Variants in EIF2AK4 observed in about 807,000 individuals in gnomAD.
EIF2AK4 encodes the protein eukaryotic translation initiation factor 2 alpha kinase 4, also known as eIF-2-alpha kinase GCN2.
A neutral mutation model predicts 211.1 loss-of-function variants in EIF2AK4; 139 were observed. The ratio of observed to expected loss-of-function variants is 0.66; its 90% CI spans 0.57 to 0.76. EIF2AK4 has a LOEUF of 0.76. Ranked by LOEUF, EIF2AK4 falls within the 30% of genes least tolerant of loss-of-function variation. The pLI is 0.00. For synonymous variants in EIF2AK4, 710 were observed against 751.3 expected, an observed-to-expected ratio of 0.94 and a Z score of 0.90; for missense variants, 1,664 against 2,043.8, an observed-to-expected ratio of 0.81 and a Z score of 3.58.
chr15:40,024,935 A>G (rs1341716409), intron 32 of EIF2AK4, among the ~76,000 whole-genome samples: 4 of 152,062 alleles, frequency 2.6e-5, no homozygotes, highest in African/African-American at 9.7e-5. Context: ...ACTAAATGCC[A>G]AATGCCATGA....
chr15:40,017,517 A>ATATG, intron 29 of EIF2AK4, among the ~76,000 whole-genome samples: 1 of 13,088 alleles, frequency 7.6e-5, no homozygotes, highest in African/African-American at 3.3e-4. Flanking sequence ...ATATATATAT[A>ATATG]TATATATATA....
rs1201177509 is a variant in EIF2AK4 at position 40,001,037 on chromosome 15, C to T, written c.2972C>T (p.Thr991Ile). The T allele has an allele frequency of 6.2e-7, 1 of 1,614,096 alleles. No homozygotes were observed. The highest frequency in any genetic ancestry group is 8.5e-7 in the Non-Finnish European group (1 of 1,180,048). The change falls in exon 21 of 39, where the codon ACA becomes ATA. Residue 991 changes from threonine to isoleucine, a missense_variant. Transcript: ENST00000263791. ...AACCACGATCCAGCAAAACGGCCCA[C>T]AGCCACAGAACTGCTCAAGAGTGAG... ...LLNHDPAKRP[T>I]ATELLKSELL...
At chr15:40,001,589 G>A (rs1000488328) in intron 21 of EIF2AK4, among the ~76,000 whole-genome samples, 6 of 145,580 alleles carry the variant, frequency 4.1e-5, no homozygotes, top group South Asian at 2.2e-4. Context: ...AGCCGAGATC[G>A]TGCCACTGCA....
At position 39,992,813 on chromosome 15, in the gene EIF2AK4, G is replaced by C; in HGVS notation, c.2731G>C (p.Glu911Gln). The C allele has an allele frequency of 6.2e-7, 1 of 1,614,158 alleles. No individual in the cohort carries two copies. The highest frequency in any genetic ancestry group is 8.5e-7 in the Non-Finnish European group (1 of 1,180,036). ...MVGTALYVSP[E>Q]VQGSTKSAYN... is the part of the protein sequence containing the mutation. ...TGGCACTGCTCTCTATGTAAGCCCA[G>C]AGGTCCAAGGAAGCACCAAATCTGC... Residue 911 changes from glutamate to glutamine, a missense_variant, in exon 18 of 39, where the codon GAG becomes CAG. Transcript: ENST00000263791.
At position 40,019,128 on chromosome 15, in the gene EIF2AK4, A is replaced by G. The variant is rs990392341; in HGVS notation, c.4101A>G (p.Pro1367=). 1.1e-5 allele frequency: 17 copies of G among 1,608,160 alleles called. No individual in the cohort carries two copies. Among genetic ancestry groups the G allele is most frequent in the Non-Finnish European group, 1.4e-5 (16 of 1,177,244 alleles). The change falls in exon 30 of 39, where the codon CCA becomes CCG. Residue 1367 remains proline, a synonymous_variant. Coordinates refer to ENST00000263791, the MANE Select transcript of EIF2AK4 (RefSeq NM_001013703.4). ...PQFRGPQALG[P]VPTAIGVSIA... ...TTAGAGGGCCACAAGCTCTGGGGCC[A>G]GTTCCCACTGCCATTGGGGTCAGCA...
Position 39,976,736 on chromosome 15 carries a change from C to T in EIF2AK4, c.2141C>T (p.Ser714Leu). ...ILSSSVEWST[S>L]GERSASARFP... Reference sequence around the variant, plus strand: ...AGCAGCTCGGTGGAGTGGAGCACTTCGGGCGAGCGCTCGGCCAGTGCCCGT... The same window carrying T: ...AGCAGCTCGGTGGAGTGGAGCACTTTGGGCGAGCGCTCGGCCAGTGCCCGT... The change falls in exon 12 of 39, where the codon TCG becomes TTG. Residue 714 changes from serine to leucine, a missense_variant. This residue lies in a region of EIF2AK4 where 206 missense variants were observed against 201.9 expected (regional missense o/e 1.02). Transcript: ENST00000263791. 2 of 1,601,330 alleles carry T rather than the reference C, an allele frequency of 1.2e-6. No homozygotes were observed. Among genetic ancestry groups the T allele is most frequent in the Non-Finnish European group, 8.5e-7 (1 of 1,176,780 alleles).
At position 40,016,569 on chromosome 15, in the gene EIF2AK4, C is replaced by T; in HGVS notation, c.3827C>T (p.Ser1276Leu). Residue 1276 changes from serine to leucine, a missense_variant, in exon 28 of 39, where the codon TCA (serine) becomes TTA (leucine). By Grantham distance (145) the Ser-to-Leu change is moderately radical (BLOSUM62 -2). Around this residue, in one of 7 missense-constraint regions of EIF2AK4, gnomAD observed 622 missense variants for 796.8 expected, o/e 0.78. Transcript: ENST00000263791. ...DLQDLMPTINSLIKQKTGIAQ... is the reference protein window; with the variant it reads ...DLQDLMPTINLLIKQKTGIAQ... ...CAAGATCTTATGCCAACAATAAATTCATTAATAAAACAGAAAACAGGTATT... is the reference window on the plus strand; with the variant it reads ...CAAGATCTTATGCCAACAATAAATTTATTAATAAAACAGAAAACAGGTATT... 6.2e-7 allele frequency: 1 copy of T among 1,614,078 alleles called. No homozygotes were observed. Among genetic ancestry groups the T allele is most frequent in the Admixed American group, 1.7e-5 (1 of 60,008 alleles).
chr15:39,992,224 C>T lies in EIF2AK4; in HGVS notation c.2681C>T (p.Pro894Leu), dbSNP rs769846052. Residue 894 changes from proline to leucine, a missense_variant, in exon 17 of 39, where the codon CCT becomes CTT. Around this residue, in one of 7 missense-constraint regions of EIF2AK4, gnomAD observed 622 missense variants for 796.8 expected, o/e 0.78. Coordinates refer to ENST00000263791, the MANE Select transcript of EIF2AK4 (RefSeq NM_001013703.4). ...ACAGGAGACTTGATTAAGTCAGACC[C>T]TTCAGGTAAACCCAGAAGACTATAT... ...DQTGDLIKSD[P>L]SGHLTGMVGT... 9 of 1,610,784 alleles carry T rather than the reference C, an allele frequency of 5.6e-6. No individual in the cohort carries two copies. The South Asian group carries it at 1.0e-4, about 18-fold the overall frequency.
chr15:40,026,004 A>G lies in EIF2AK4; in HGVS notation c.4417A>G (p.Thr1473Ala), dbSNP rs1426430485. The part of the protein sequence containing the change: ...KVKSFEKERQ[T>A]EKRVLETELV... ...TAAGTCTTTCGAGAAGGAAAGGCAG[A>G]CAGAGAAGCGTGTGCTGGAGACTGA... The change falls in exon 33 of 39, where the codon ACA becomes GCA. Residue 1473 changes from threonine (T) to alanine (A), a missense_variant. Physicochemically the swap from Thr to Ala is moderately conservative, Grantham distance 58 (BLOSUM62 0). Transcript: ENST00000263791. The G allele has an allele frequency of 6.2e-7, 1 of 1,614,192 alleles. No individual in the cohort carries two copies. The highest frequency in any genetic ancestry group is 8.5e-7 in the Non-Finnish European group (1 of 1,180,014).
rs968317073 is a variant in EIF2AK4, at chr15:39,967,720, G to A, written c.1394G>A (p.Arg465His). 1.2e-5 allele frequency: 19 copies of A among 1,614,124 alleles called. No individual in the cohort carries two copies. The highest frequency in any genetic ancestry group is 8.9e-5 in the East Asian group (4 of 44,878). The change falls in exon 9 of 39, where the codon CGT becomes CAT. Residue 465 changes from arginine to histidine, a missense_variant. By Grantham distance (29) the Arg-to-His change is conservative. Around this residue, in one of 7 missense-constraint regions of EIF2AK4, gnomAD observed 641 missense variants for 729.6 expected, o/e 0.88. Transcript: ENST00000263791. ...KEDVFEQTRV[R>H]FSDNALPYKT... ...GATGTGTTTGAGCAAACCCGAGTTCGTTTTAGTGACAATGCTCTGCCTTAT... is the reference window on the plus strand; with the variant it reads ...GATGTGTTTGAGCAAACCCGAGTTCATTTTAGTGACAATGCTCTGCCTTAT...
At chr15:39,946,065 A>T (rs2034223733) in intron 3 of EIF2AK4, among the ~76,000 whole-genome samples, 2 of 152,248 alleles carry the variant, frequency 1.3e-5, no homozygotes, top group African/African-American at 4.8e-5. Context: ...ATGCCTCTTA[A>T]CACAACATCC....
intron 2 of EIF2AK4, among the ~76,000 whole-genome samples, chr15:39,939,838 TA>T (rs2034120273): frequency 6.6e-6 from 1 of 152,268 alleles, no homozygotes; most frequent in African/African-American, 2.4e-5. Context: ...CAGATACTTA[TA>T]TTTGCCTAGT....
chr15:39,935,034 A>G (rs2034043575), intron 1 of EIF2AK4, among the ~76,000 whole-genome samples: 2 of 152,160 alleles, frequency 1.3e-5, no homozygotes, highest in African/African-American at 2.4e-5. Context: ...AGGATAGCTG[A>G]TGACCTAAAA....
chr15:39,949,490 A>G (rs191697450), intron 4 of EIF2AK4, among the ~76,000 whole-genome samples: 2 of 152,308 alleles, frequency 1.3e-5, no homozygotes, highest in Admixed American at 1.3e-4. Flanking sequence ...TTAAAGAAAT[A>G]GAAGAGAAAA....
chr15:40,023,489 T>G (rs1301910565), intron 32 of EIF2AK4, among the ~76,000 whole-genome samples: 1 of 152,234 alleles, frequency 6.6e-6, no homozygotes, highest in African/African-American at 2.4e-5. Context: ...TATATAGAGC[T>G]ATTCTGGTTA....
intron 13 of EIF2AK4, among the ~76,000 whole-genome samples, chr15:39,983,151 C>T (rs1446908016): frequency 6.6e-6 from 1 of 152,212 alleles, no homozygotes; most frequent in East Asian, 1.9e-4. Context: ...AACTAATTTA[C>T]ACTCCCACCA....
chr15:40,027,738 A>C (rs547632195), intron 33 of EIF2AK4, among the ~76,000 whole-genome samples: 80 of 152,260 alleles, frequency 5.3e-4, no homozygotes, highest in African/African-American at 1.5e-3. Context: ...AAGATACAAA[A>C]AAATTAGCGG....
intron 33 of EIF2AK4, 61 bp from the exon 34 acceptor site, chr15:40,029,345 G>A (rs2035507694): frequency 6.3e-7 from 1 of 1,598,666 alleles, no homozygotes; most frequent in East Asian, 2.3e-5. Flanking sequence ...TTCACTGTAA[G>A]TTATGTGTTG....
At position 40,016,624 on chromosome 15, in the gene EIF2AK4, C is replaced by CCT. The variant is rs760493291; in HGVS notation, c.3883_3884dup (p.Glu1296Ter). 1.2e-6 allele frequency: 2 copies of CCT among 1,614,136 alleles called. No homozygotes were observed. The highest frequency in any genetic ancestry group is 1.7e-6 in the Non-Finnish European group (2 of 1,180,024). On this transcript the variant is annotated frameshift_variant, in exon 28 of 39. Coordinates refer to ENST00000263791, the MANE Select transcript of EIF2AK4 (RefSeq NM_001013703.4). LOFTEE classifies it high-confidence loss of function. ...AGTTGGTGAAGTATGGCTTAAAAGA[C>CCT]CTAGAGGAGGTTGTTGGACTGTTGA...
Sources: gnomAD v4.1 joint callset for allele counts (sites outside exome capture counted in the v4.1 genomes callset) on GRCh38, gnomAD v4.1.1 for gene constraint, gnomAD v4.1.1 regional missense constraint, MANE v1.5 for transcripts, NCBI Gene and HGNC (gene_info 2026-07-23, HGNC 2026-07-21) for gene names.